Variants in SUPT5H observed in about 807,000 individuals in gnomAD.
SUPT5H encodes SPT5 homolog, DSIF elongation factor subunit.
A neutral mutation model predicts 142.5 loss-of-function variants in SUPT5H; 24 were observed. The ratio of observed to expected loss-of-function variants is 0.17; its 90% confidence interval spans 0.12 to 0.24. The LOEUF is 0.24. Ranked by LOEUF, SUPT5H falls within the 10% of genes least tolerant of loss-of-function variation. The probability of loss-of-function intolerance (pLI) is 1.00; values close to 1 mark genes in which losing one functional copy is unlikely to be tolerated. For synonymous variants in SUPT5H, 546 were observed against 553.0 expected (o/e 0.99, Z 0.18); for missense variants, 893 against 1,471.8 (o/e 0.61, Z 6.43).
rs2079235281 is a variant in SUPT5H, at chr19:39,466,332, A to G, written c.877-148A>G. The G allele has an allele frequency of 1.4e-6, 1 of 695,464 alleles. No individual in the cohort carries two copies. The highest frequency in any genetic ancestry group is 1.7e-5 in the South Asian group (1 of 59,570). The allele number at this position is 695,464 out of a possible 1,614,324, so 43.1% of individuals were successfully genotyped here. On this transcript the variant is annotated intron_variant, in intron 11 of 29. Transcript: ENST00000432763. This position sits in a 1 kb window ranked among gnomAD's most constrained non-coding sequence, Gnocchi z 4.3. The stretch of plus-strand genomic sequence containing the variant: ...CCAGAGTTGAGGGGACAGACAAGCT[A>G]GCGTGGGACTTTTGGGAGTGGTCAG...
chr19:39,455,547 A>G (rs1203826178), intron 3 of SUPT5H, among the ~76,000 whole-genome samples: 2 of 151,396 alleles, frequency 1.3e-5, no homozygotes, highest in Non-Finnish European at 2.9e-5. Flanking sequence ...ACAGAGCAAG[A>G]CTCGGTCTAA....
At chr19:39,446,438 G>T (rs190293365) in intron 2 of SUPT5H, among the ~76,000 whole-genome samples, 400 of 152,308 alleles carry the variant, frequency 2.6e-3, no homozygotes, top group African/African-American at 9.1e-3. Flanking sequence ...AAGGGGAATG[G>T]AGAGTCCTGG....
At chr19:39,457,871 G>T in intron 4 of SUPT5H, 131 bp downstream of exon 4, 1 of 1,476,390 alleles carries the variant, frequency 6.8e-7, no homozygotes, top group Non-Finnish European at 9.2e-7. Flanking sequence ...GCTTCTTTCT[G>T]TCCTTCCCAG....
At chr19:39,461,072 C>T (rs560148703) in intron 10 of SUPT5H, among the ~76,000 whole-genome samples, 24 of 151,708 alleles carry the variant, frequency 1.6e-4, no homozygotes, top group African/African-American at 5.3e-4. Flanking sequence ...GTTAGGAGTT[C>T]GAAACCAGCC....
intron 8 of SUPT5H, 90 bp from the exon 9 acceptor site, chr19:39,459,469 A>G: frequency 6.5e-7 from 1 of 1,531,432 alleles, no homozygotes; most frequent in Non-Finnish European, 9.0e-7. Flanking sequence ...TGGATGTGAA[A>G]CCAGAGGAAG....
At chr19:39,457,562 CT>C in intron 3 of SUPT5H, 112 bp from the exon 4 acceptor site, 1 of 1,534,918 alleles carries the variant, frequency 6.5e-7, no homozygotes, top group Non-Finnish European at 8.8e-7. Context: ...CCTCAGTGTC[CT>C]GCTCTGTGCG....
chr19:39,446,108 G>A, intron 2 of SUPT5H, 143 bp downstream of exon 2: 1 of 944,346 alleles, frequency 1.1e-6, no homozygotes, highest in Non-Finnish European at 1.6e-6. Flanking sequence ...AGAGAATTAG[G>A]CAAGTCGAAG....
chr19:39,449,062 C>A (rs2078988057), intron 2 of SUPT5H, among the ~76,000 whole-genome samples: 1 of 106,494 alleles, frequency 9.4e-6, no homozygotes, highest in Non-Finnish European at 2.1e-5. Context: ...TGCACTCCAG[C>A]CTGGGAGACA....
At position 39,476,426 on chromosome 19, in the gene SUPT5H, G is replaced by T; in HGVS notation, c.*27G>T. 1 of 1,612,820 alleles carries T rather than the reference G, an allele frequency of 6.2e-7. No homozygotes were observed. Among genetic ancestry groups the T allele is most frequent in the African/African-American group, 1.3e-5 (1 of 75,022 alleles). On this transcript the variant is annotated 3_prime_UTR_variant, in exon 30 of 30. Coordinates refer to ENST00000432763, the MANE Select transcript of SUPT5H (RefSeq NM_001111020.3). ...GCAGGCAGGGCCGGTGGACTTCGTC[G>T]GATGAAGAGTGATCCTCCTTCCTTC... is the stretch of plus-strand genomic sequence containing the variant.
intron 4 of SUPT5H, chr19:39,457,952 T>C: frequency 1.1e-6 from 1 of 921,860 alleles, no homozygotes; most frequent in East Asian, 2.6e-5. Flanking sequence ...GGGGATGTTG[T>C]GGGGAGAGGA....
In SUPT5H at chr19:39,469,132, G is replaced by A; in HGVS notation, c.1197G>A (p.Gln399=). 1 of 1,614,258 alleles carries A rather than the reference G, an allele frequency of 6.2e-7. No individual in the cohort carries two copies. The highest frequency in any genetic ancestry group is 8.5e-7 in the Non-Finnish European group (1 of 1,180,046). The part of the protein sequence containing the change: ...TLSELEKFED[Q]PEGIDLEVVT... ...CTGAGCTGGAAAAGTTTGAGGACCA[G>A]CCAGAGGGCATTGACCTGGAGGTGG... is the stretch of plus-strand genomic sequence containing the variant. Residue 399 remains glutamine (Q), a synonymous_variant, in exon 15 of 30, where the codon CAG becomes CAA. Coordinates refer to ENST00000432763, the MANE Select transcript of SUPT5H (RefSeq NM_001111020.3). This position sits in a 1 kb window ranked among gnomAD's most constrained non-coding sequence, Gnocchi z 5.1.
intron 2 of SUPT5H, among the ~76,000 whole-genome samples, chr19:39,449,791 C>T (rs1340264945): frequency 1.3e-5 from 2 of 151,812 alleles, no homozygotes; most frequent in Non-Finnish European, 2.9e-5. Flanking sequence ...AGCGGTGCGC[C>T]ACCACACCTG....
Position 39,459,252 on chromosome 19 carries a change from A to G in SUPT5H, c.524+3A>G, listed in dbSNP as rs1174215821. 2 of 1,533,054 alleles carry G rather than the reference A, an allele frequency of 1.3e-6. No homozygotes were observed. Among genetic ancestry groups the G allele is most frequent in the Non-Finnish European group, 1.8e-6 (2 of 1,135,862 alleles). 95.0% of individuals were successfully genotyped at this position (1,533,054 alleles called of 1,614,324 possible). A position where few individuals can be genotyped will look rare whatever the true frequency, so the allele number is the denominator to read the frequency against. On this transcript the variant is annotated splice_donor_region_variant and intron_variant, in intron 8 of 29. Coordinates refer to ENST00000432763, the MANE Select transcript of SUPT5H (RefSeq NM_001111020.3). ...CAGCAGCTGCTCCCAGGAGTCAAGT[A>G]AGGGGGTTGGGATGGTGGGGGCCGT...
chr19:39,453,590 T>C (rs2079048021), intron 3 of SUPT5H, 69 bp downstream of exon 3: 6 of 1,423,628 alleles, frequency 4.2e-6, no homozygotes, highest in Middle Eastern at 2.3e-4. Flanking sequence ...TTTCTTTTTC[T>C]TTTTTTGAGG....
chr19:39,459,484 T>C (rs909776304), intron 8 of SUPT5H, 75 bp from the exon 9 acceptor site: 4 of 1,569,032 alleles, frequency 2.5e-6, no homozygotes, highest in East Asian at 2.2e-5. Context: ...AGGAAGGGGG[T>C]GGCCCTGGGG....
In SUPT5H at chr19:39,474,913, G is replaced by C. The variant is rs1290506720; in HGVS notation, c.3024+195G>C. 12 of 635,350 alleles carry C rather than the reference G, an allele frequency of 1.9e-5. No homozygotes were observed. The highest frequency in any genetic ancestry group is 8.3e-5 in the East Asian group (3 of 36,362). 39.4% of individuals were successfully genotyped at this position (635,350 alleles called of 1,614,324 possible). On this transcript the variant is annotated intron_variant, in intron 28 of 29. Coordinates refer to ENST00000432763, the MANE Select transcript of SUPT5H (RefSeq NM_001111020.3). This position sits in a 1 kb window ranked among gnomAD's most constrained non-coding sequence, Gnocchi z 6.5. ...ATTTAGCGGGGAATCAGGGAGGGCT[G>C]CCTGGGGAAGGAGAAATCTGAGCCA...
chr19:39,476,246 C>T lies in SUPT5H; in HGVS notation c.3121-10C>T. 6.2e-7 allele frequency: 1 copy of T among 1,614,060 alleles called. No individual in the cohort carries two copies. The highest frequency in any genetic ancestry group is 8.5e-7 in the Non-Finnish European group (1 of 1,180,022). ...GACATGGACCCTGACCATATTCCCC[C>T]CACCCCCAGGTGAAAGTGATCCTGG... is the stretch of plus-strand genomic sequence containing the variant. On this transcript the variant is annotated splice_polypyrimidine_tract_variant and intron_variant, in intron 29 of 29. Coordinates refer to ENST00000432763, the MANE Select transcript of SUPT5H (RefSeq NM_001111020.3).
intron 2 of SUPT5H, among the ~76,000 whole-genome samples, chr19:39,447,465 T>TC (rs1181143268): frequency 6.6e-6 from 1 of 151,432 alleles, no homozygotes; most frequent in African/African-American, 2.4e-5. Flanking sequence ...TTTTTTTTTT[T>TC]TTTGAGACAG....
At chr19:39,454,353 G>A (rs2079058704) in intron 3 of SUPT5H, among the ~76,000 whole-genome samples, 1 of 140,870 alleles carries the variant, frequency 7.1e-6, no homozygotes, top group Non-Finnish European at 1.5e-5. Context: ...TGTTGTTGTC[G>A]TTGTTTTTTT....
Sources: gnomAD v4.1 joint callset for allele counts (sites outside exome capture counted in the v4.1 genomes callset) on GRCh38, gnomAD v4.1.1 for gene constraint, Gnocchi (gnomAD v3.1) non-coding constraint, MANE v1.5 for transcripts, NCBI Gene and HGNC (gene_info 2026-07-23, HGNC 2026-07-21) for gene names.